Variants in NELL2 observed in about 807,000 individuals in gnomAD.
The protein encoded by NELL2 is protein kinase C-binding protein NELL2.
NELL2 carries 41 observed loss-of-function variants against 109.6 expected under a neutral mutation model. That is an observed-to-expected ratio of 0.37 (90% CI 0.29 to 0.49). The LOEUF (loss-of-function observed/expected upper bound fraction) is 0.49. Among genes scored for constraint, NELL2 ranks in the 20% least tolerant of loss-of-function variants. The pLI, the probability that NELL2 is intolerant of heterozygous loss-of-function variation, is 0.98. For synonymous variants in NELL2, 355 were observed against 344.7 expected (o/e 1.03, Z -0.33); for missense variants, 900 against 1,008.3 (o/e 0.89, Z 1.45).
At chr12:44,739,316 A>C (rs1448670611) in intron 9 of NELL2, among the ~76,000 whole-genome samples, 1 of 152,194 alleles carries the variant, frequency 6.6e-6, no homozygotes, top group Non-Finnish European at 1.5e-5. Flanking sequence ...GAGAAAAAAA[A>C]TTACTATCTA....
chr12:44,818,432 G>C (rs559446084), intron 2 of NELL2, among the ~76,000 whole-genome samples: 2 of 152,316 alleles, frequency 1.3e-5, no homozygotes, highest in African/African-American at 4.8e-5. Flanking sequence ...GTGCAAATGA[G>C]AGAAATGGAG....
chr12:44,842,714 T>C (rs751422589), intron 2 of NELL2, among the ~76,000 whole-genome samples: 6 of 152,182 alleles, frequency 3.9e-5, no homozygotes, highest in Non-Finnish European at 2.9e-5. Flanking sequence ...GAATGTGACC[T>C]TATTTGCAAT....
intron 15 of NELL2, among the ~76,000 whole-genome samples, chr12:44,535,554 T>G (rs1478435565): frequency 6.6e-6 from 1 of 152,040 alleles, no homozygotes; most frequent in Non-Finnish European, 1.5e-5. Flanking sequence ...TATGAAAATC[T>G]GAATTTACAA....
intron 14 of NELL2, among the ~76,000 whole-genome samples, chr12:44,608,244 C>G (rs975424958): frequency 6.6e-6 from 1 of 152,036 alleles, no homozygotes; most frequent in South Asian, 2.1e-4. Flanking sequence ...CATGTGCTTC[C>G]TCTAGTTAGG....
intron 1 of NELL2, among the ~76,000 whole-genome samples, chr12:44,907,116 G>A (rs1466923801): frequency 6.6e-6 from 1 of 151,978 alleles, no homozygotes; most frequent in Non-Finnish European, 1.5e-5. Flanking sequence ...ACCATGTGAA[G>A]GTTTGCTACT....
intron 15 of NELL2, among the ~76,000 whole-genome samples, chr12:44,589,442 G>GAAGTGCAAT (rs1944663703): frequency 6.6e-6 from 1 of 151,902 alleles, no homozygotes; most frequent in African/African-American, 2.4e-5. Context: ...CATCCAGGCT[G>GAAGTGCAAT]GAGTGATCTC....
chr12:44,783,653 T>C (rs11182669), intron 3 of NELL2, among the ~76,000 whole-genome samples: 36,133 of 151,836 alleles, frequency 0.24, 4,588 homozygotes, highest in South Asian at 0.3. Flanking sequence ...CTTGTATACT[T>C]CTATAATTTT....
At chr12:44,721,502 T>G (rs1938769247) in intron 9 of NELL2, among the ~76,000 whole-genome samples, 1 of 152,230 alleles carries the variant, frequency 6.6e-6, no homozygotes, top group South Asian at 2.1e-4. Context: ...ATATTGTCAC[T>G]TTCAAAGTTA....
At chr12:44,757,797 C>T (rs1940952253) in intron 9 of NELL2, among the ~76,000 whole-genome samples, 1 of 151,866 alleles carries the variant, frequency 6.6e-6, no homozygotes, top group Non-Finnish European at 1.5e-5. Context: ...AACCTGGAAA[C>T]AAATGAACAG....
chr12:44,835,799 AG>A (rs1944037039), intron 2 of NELL2, among the ~76,000 whole-genome samples: 1 of 152,230 alleles, frequency 6.6e-6, no homozygotes, highest in Non-Finnish European at 1.5e-5. Context: ...GCGGAAGCCA[AG>A]ATGAGACAGA....
In NELL2 at chr12:44,876,273, C is replaced by G. The variant is rs919368533; in HGVS notation, c.-404G>C. 4.3e-6 allele frequency: 5 copies of G among 1,153,040 alleles called. No homozygotes were observed. The highest frequency in any genetic ancestry group is 3.2e-5 in the African/African-American group (2 of 62,930). 71.4% of individuals were successfully genotyped at this position (1,153,040 alleles called of 1,614,324 possible). A position where few individuals can be genotyped will look rare whatever the true frequency, so the allele number is the denominator to read the frequency against. On this transcript the variant is annotated 5_prime_UTR_variant, in exon 1 of 20. Transcript: ENST00000429094. Reference sequence around the variant, plus strand: ...GGGCTGGGGCGGCCCCGCACCCCCCCGTCTTCCCCGCCGCCCGAACCTGTT... The same window carrying G: ...GGGCTGGGGCGGCCCCGCACCCCCCGGTCTTCCCCGCCGCCCGAACCTGTT...
At chr12:44,780,170 G>T in intron 3 of NELL2, 148 bp from the exon 4 acceptor site, 4 of 788,250 alleles carry the variant, frequency 5.1e-6, no homozygotes, top group Non-Finnish European at 5.9e-6. Context: ...AAACACAGAA[G>T]AATCTAGAAG....
In NELL2 at chr12:44,588,913, T is replaced by C. The variant is rs139861266; in HGVS notation, c.1663+18256A>G. On this transcript the variant is annotated intron_variant, in intron 15 of 19. Transcript: ENST00000429094. Reference sequence around the variant, plus strand: ...CATCTAATCGACTTTCTGTCTATAATTTCATTCAGCTATTTTTAATAATTT... The same window carrying C: ...CATCTAATCGACTTTCTGTCTATAACTTCATTCAGCTATTTTTAATAATTT... Among the ~76,000 whole-genome samples, 934 of 152,328 alleles carry C rather than the reference T, an allele frequency of 6.1e-3. 8 individuals are homozygous for C. The highest frequency in any genetic ancestry group is 0.021 in the African/African-American group (874 of 41,570).
chr12:44,728,923 T>C (rs2136468645), intron 9 of NELL2, among the ~76,000 whole-genome samples: 1 of 152,084 alleles, frequency 6.6e-6, no homozygotes, highest in Non-Finnish European at 1.5e-5. Flanking sequence ...CTTTTCCAGA[T>C]AACAAAAGCT....
Position 44,657,175 on chromosome 12 carries a change from A to C in NELL2, c.1444+8309T>G, listed in dbSNP as rs184452112. On this transcript the variant is annotated intron_variant, in intron 13 of 19. Coordinates refer to ENST00000429094, the MANE Select transcript of NELL2 (RefSeq NM_001145108.2). ...CTAGAAAATCAATAGTGATGAGGAAAAGTGAAGAAAATATCATCATAAAAT... is the reference window on the plus strand; with the variant it reads ...CTAGAAAATCAATAGTGATGAGGAACAGTGAAGAAAATATCATCATAAAAT... Among the ~76,000 whole-genome samples the C allele has an allele frequency of 1.8e-4, 28 of 152,294 alleles. No homozygotes were observed. The East Asian group carries it at 5.4e-3, about 29-fold the overall frequency.
intron 13 of NELL2, among the ~76,000 whole-genome samples, chr12:44,648,788 T>C (rs1947193384): frequency 7.1e-6 from 1 of 141,604 alleles, no homozygotes; most frequent in Non-Finnish European, 1.5e-5. Flanking sequence ...CAGGCTGGAG[T>C]GCAGTGGCGT....
chr12:44,716,165 C>T (rs1938476797), intron 9 of NELL2, among the ~76,000 whole-genome samples: 2 of 152,028 alleles, frequency 1.3e-5, no homozygotes, highest in South Asian at 2.1e-4. Flanking sequence ...ACCTGACTCT[C>T]GCTTTCCTTG....
At chr12:44,871,022 T>C (rs1408519732) in intron 2 of NELL2, among the ~76,000 whole-genome samples, 1 of 152,138 alleles carries the variant, frequency 6.6e-6, no homozygotes, top group Non-Finnish European at 1.5e-5. Context: ...CTTTATTTCA[T>C]ATCACATGCC....
intron 1 of NELL2, among the ~76,000 whole-genome samples, chr12:44,887,591 T>A (rs1945487962): frequency 1.3e-5 from 2 of 151,910 alleles, no homozygotes; most frequent in South Asian, 4.1e-4. Flanking sequence ...CTGTTCAGAT[T>A]TTTACCCATT....
Sources: gnomAD v4.1 joint callset for allele counts (sites outside exome capture counted in the v4.1 genomes callset) on GRCh38, gnomAD v4.1.1 for gene constraint, MANE v1.5 for transcripts, NCBI Gene and HGNC (gene_info 2026-07-23, HGNC 2026-07-21) for gene names.